ERC2: variants seen among roughly 807,000 people sequenced by gnomAD.
ERC2 encodes the protein ERC protein 2.
In ERC2, 42 loss-of-function variants were observed where a neutral mutation model predicts 114.8. The observed-to-expected ratio is 0.37, with a 90% CI of 0.29 to 0.47. The LOEUF (loss-of-function observed/expected upper bound fraction) is 0.47. Among genes scored for constraint, ERC2 ranks in the 20% least tolerant of loss-of-function variants. ERC2 has a pLI of 0.99. For synonymous variants in ERC2, 454 were observed against 425.5 expected, an observed-to-expected ratio of 1.07 and a Z score of -0.82; for missense variants, 939 against 1,150.7, an observed-to-expected ratio of 0.82 and a Z score of 2.66.
At chr3:56,034,495 A>G (rs2074669505) in intron 7 of ERC2, among the ~76,000 whole-genome samples, 1 of 152,190 alleles carries the variant, frequency 6.6e-6, no homozygotes, top group South Asian at 2.1e-4. Context: ...CCTAACAGAC[A>G]TATACAAAAC....
intron 13 of ERC2, among the ~76,000 whole-genome samples, chr3:55,897,742 T>C (rs559411117): frequency 6.6e-5 from 10 of 152,334 alleles, no homozygotes; most frequent in African/African-American, 2.2e-4. Context: ...ATCTTATTTT[T>C]CCAATTACCC....
intron 17 of ERC2, among the ~76,000 whole-genome samples, chr3:55,681,909 A>G (rs1048461197): frequency 5.9e-5 from 9 of 152,150 alleles, no homozygotes; most frequent in African/African-American, 1.4e-4. Flanking sequence ...GCAATACAAA[A>G]TCTTCACTAT....
chr3:55,825,939 TA>T (rs1296407525), intron 14 of ERC2, among the ~76,000 whole-genome samples: 1 of 122,350 alleles, frequency 8.2e-6, no homozygotes, highest in African/African-American at 3.1e-5. Context: ...TAAAAAAAAT[TA>T]AAAACAAAAC....
At chr3:55,867,291 C>A (rs2062367125) in intron 14 of ERC2, among the ~76,000 whole-genome samples, 1 of 152,104 alleles carries the variant, frequency 6.6e-6, no homozygotes, top group African/African-American at 2.4e-5. Context: ...AGGACTTTCC[C>A]ACCCACCACA....
intron 14 of ERC2, among the ~76,000 whole-genome samples, chr3:55,888,076 G>A (rs1316532313): frequency 6.6e-6 from 1 of 152,170 alleles, no homozygotes; most frequent in Non-Finnish European, 1.5e-5. Flanking sequence ...GTGCTTAACG[G>A]GGCCTCCATC....
At chr3:55,571,325 C>G (rs181624691) in intron 17 of ERC2, among the ~76,000 whole-genome samples, 1 of 152,130 alleles carries the variant, frequency 6.6e-6, no homozygotes, top group Admixed American at 6.5e-5. Flanking sequence ...TCTCCTAGGG[C>G]TAGCTAACTC....
intron 13 of ERC2, among the ~76,000 whole-genome samples, chr3:55,906,491 T>G (rs1441228715): frequency 6.8e-6 from 1 of 148,008 alleles, no homozygotes; most frequent in Non-Finnish European, 1.5e-5. Flanking sequence ...AGCAGCAGCA[T>G]CACCTGGAAA....
At position 56,010,573 on chromosome 3, in the gene ERC2, C is replaced by A; in HGVS notation, c.1796G>T (p.Arg599Leu). Residue 599 changes from arginine to leucine, a missense_variant, in exon 9 of 18, where the codon CGC becomes CTC. Transcript: ENST00000288221. ...ATCTCTTTCTCGCTGTTCTTTCAAG[C>A]GCTCAATTATTCTCTCCTGTAAGGC... is the stretch of plus-strand genomic sequence containing the variant. ...ALSEKERIIE[R>L]LKEQRERDDR... 7 of 1,613,192 alleles carry A rather than the reference C, an allele frequency of 4.3e-6. No individual in the cohort carries two copies. The Admixed American group carries it at 5.0e-5, about 12-fold the overall frequency.
At chr3:55,944,149 T>C (rs2066985276) in intron 13 of ERC2, among the ~76,000 whole-genome samples, 1 of 152,220 alleles carries the variant, frequency 6.6e-6, no homozygotes, top group Non-Finnish European at 1.5e-5. Context: ...CCAAGGCTTG[T>C]CATTTCAAAC....
rs2049010136 is a variant in ERC2 at position 56,210,793 on chromosome 3, G to A, written c.1075-37273C>T. ...ATTAACATTTAATAGAAGACAACCT[G>A]TATCTACATTTGAATATCTACCATA... On this transcript the variant is annotated intron_variant, in intron 3 of 17. Transcript: ENST00000288221. 2.0e-5 allele frequency among the ~76,000 whole-genome samples: 3 copies of A among 152,126 alleles called. No individual in the cohort carries two copies. In the South Asian group the frequency reaches 6.2e-4, roughly 32 times the overall value.
At chr3:56,426,887 CGCAGTGGCTCACCCCTG>C (rs2061590152) in intron 2 of ERC2, among the ~76,000 whole-genome samples, 1 of 151,386 alleles carries the variant, frequency 6.6e-6, no homozygotes, top group Non-Finnish European at 1.5e-5. Flanking sequence ...TTTGGCAGAG[CGCAGTGGCTCACCCCTG>C]TAATCCTAGC....
intron 7 of ERC2, among the ~76,000 whole-genome samples, chr3:56,044,904 T>C (rs938959171): frequency 3.3e-5 from 5 of 152,184 alleles, no homozygotes; most frequent in African/African-American, 1.2e-4. Flanking sequence ...ACATCGTTAT[T>C]TGCAGACAAT....
intron 12 of ERC2, among the ~76,000 whole-genome samples, chr3:55,956,545 C>G (rs995026133): frequency 4.6e-5 from 7 of 151,824 alleles, no homozygotes; most frequent in Non-Finnish European, 1.0e-4. Flanking sequence ...TTATAGCAAG[C>G]ATAAATGTGC....
intron 17 of ERC2, among the ~76,000 whole-genome samples, chr3:55,584,394 A>G (rs2057486507): frequency 6.6e-6 from 1 of 152,162 alleles, no homozygotes; most frequent in Admixed American, 6.5e-5. Flanking sequence ...TCATTCAACA[A>G]TGGCTGCTAT....
At chr3:56,373,173 G>A (rs2059417313) in intron 2 of ERC2, among the ~76,000 whole-genome samples, 1 of 152,048 alleles carries the variant, frequency 6.6e-6, no homozygotes, top group African/African-American at 2.4e-5. Context: ...TACACACCAA[G>A]ACAGCATTTT....
chr3:55,564,845 C>G (rs2056262577), intron 17 of ERC2, among the ~76,000 whole-genome samples: 1 of 152,226 alleles, frequency 6.6e-6, no homozygotes, highest in East Asian at 1.9e-4. Context: ...TGTCCTAGGA[C>G]AGGGATCAGC....
At chr3:56,179,126 T>C (rs1425939288) in intron 3 of ERC2, among the ~76,000 whole-genome samples, 2 of 151,704 alleles carry the variant, frequency 1.3e-5, no homozygotes, top group African/African-American at 4.8e-5. Flanking sequence ...TGTGTTGGGC[T>C]GCATTCAAAG....
intron 2 of ERC2, among the ~76,000 whole-genome samples, chr3:56,322,214 T>A (rs1012819453): frequency 1.3e-5 from 2 of 152,206 alleles, no homozygotes; most frequent in Non-Finnish European, 2.9e-5. Context: ...CAGTTGTTTA[T>A]CAAATAATAG....
chr3:55,725,467 C>T (rs1250381439), intron 15 of ERC2, among the ~76,000 whole-genome samples: 1 of 152,060 alleles, frequency 6.6e-6, no homozygotes, highest in Non-Finnish European at 1.5e-5. Context: ...TCTCTGATTC[C>T]TCCAGCAGGC....
Sources: gnomAD v4.1 joint callset for allele counts (sites outside exome capture counted in the v4.1 genomes callset) on GRCh38, gnomAD v4.1.1 for gene constraint, MANE v1.5 for transcripts, NCBI Gene and HGNC (gene_info 2026-07-23, HGNC 2026-07-21) for gene names.